Variants in SLC5A10 observed in about 807,000 individuals in gnomAD.
The protein encoded by SLC5A10 is solute carrier family 5 member 10.
A neutral mutation model predicts 68.9 loss-of-function variants in SLC5A10; 55 were observed. That is an observed-to-expected ratio of 0.80 (90% CI 0.64 to 1.00). SLC5A10 has a LOEUF of 1.00. Among genes scored for constraint, SLC5A10 ranks in the 50% least tolerant of loss-of-function variants. The pLI is 0.00. For missense variants in SLC5A10, 732 were observed against 819.3 expected (o/e 0.89, Z 1.30); for synonymous variants, 344 against 344.8 (o/e 1.00, Z 0.02).
rs909463182 is a variant in SLC5A10, at chr17:18,959,318, C to T, written c.288+79C>T. 6.2e-6 allele frequency: 9 copies of T among 1,447,192 alleles called. No individual in the cohort carries two copies. The African/African-American group carries it at 7.0e-5, about 11-fold the overall frequency. The allele number at this position is 1,447,192 out of a possible 1,614,324, so 89.6% of individuals were successfully genotyped here. ...CGCAGCACTGGAGGGGGACAGCTCC[C>T]AGTGGCTGGTGTCAGCCGATGTCCA... is the stretch of plus-strand genomic sequence containing the variant. On this transcript the variant is annotated intron_variant, in intron 3 of 14. Transcript: ENST00000395645.
intron 8 of SLC5A10, among the ~76,000 whole-genome samples, chr17:18,972,374 T>C (rs917042016): frequency 3.9e-5 from 6 of 152,160 alleles, no homozygotes; most frequent in African/African-American, 1.2e-4. Flanking sequence ...CACACAAGCC[T>C]TTCCCACGTG....
At chr17:18,997,561 G>C (rs2043598865) in intron 9 of SLC5A10, among the ~76,000 whole-genome samples, 1 of 152,260 alleles carries the variant, frequency 6.6e-6, no homozygotes, top group South Asian at 2.1e-4. Flanking sequence ...CAGGGTCCAA[G>C]AGCGACAGAC....
intron 11 of SLC5A10, among the ~76,000 whole-genome samples, chr17:19,015,713 C>T (rs538662772): frequency 1.3e-5 from 2 of 152,222 alleles, no homozygotes; most frequent in African/African-American, 2.4e-5. Context: ...TCCCCTCCTC[C>T]GTGCAGTCCT....
At chr17:19,011,664 TG>T in intron 9 of SLC5A10, among the ~76,000 whole-genome samples, 1 of 150,860 alleles carries the variant, frequency 6.6e-6, no homozygotes, top group South Asian at 2.1e-4. Flanking sequence ...GCTATGAGCC[TG>T]GGGGGCTAAT....
In SLC5A10 at chr17:18,978,318, G is replaced by A. The variant is rs764281467; in HGVS notation, c.982+1329G>A. The A allele has an allele frequency of 2.4e-5, 39 of 1,608,412 alleles. No homozygotes were observed. Among genetic ancestry groups the A allele is most frequent in the Non-Finnish European group, 3.1e-5 (37 of 1,177,750 alleles). On this transcript the variant is annotated intron_variant, in intron 9 of 14. Transcript: ENST00000395645. ...TGGGCGCTGGCCTGGGAGGTGTCAC[G>A]GATCTTGATGCGGTTCATCTGGCTG...
Position 19,022,044 on chromosome 17 carries a change from C to T in SLC5A10, c.*1613C>T, listed in dbSNP as rs755441479. The T allele has an allele frequency of 1.9e-5, 31 of 1,596,586 alleles. No individual in the cohort carries two copies. The highest frequency in any genetic ancestry group is 4.0e-5 in the African/African-American group (3 of 74,418). ...GCCCCGCCACCAGTGGGGGTCTGGGCGCTCCAGGACCTCAATGATGTCGCC... is the reference window on the plus strand; with the variant it reads ...GCCCCGCCACCAGTGGGGGTCTGGGTGCTCCAGGACCTCAATGATGTCGCC... On this transcript the variant is annotated 3_prime_UTR_variant, in exon 15 of 15. Coordinates refer to ENST00000395645, the MANE Select transcript of SLC5A10 (RefSeq NM_001042450.4).
chr17:18,973,760 C>G (rs1210638173), intron 8 of SLC5A10, among the ~76,000 whole-genome samples: 1 of 151,742 alleles, frequency 6.6e-6, no homozygotes, highest in Non-Finnish European at 1.5e-5. Context: ...TGCAGTGGCA[C>G]CATCTCGGCT....
chr17:18,985,391 C>T (rs2043244975), intron 9 of SLC5A10, among the ~76,000 whole-genome samples: 1 of 152,202 alleles, frequency 6.6e-6, no homozygotes, highest in Non-Finnish European at 1.5e-5. Flanking sequence ...CAAACTGGCA[C>T]CTGACACCCC....
At chr17:19,010,755 C>T (rs1244756675) in intron 9 of SLC5A10, among the ~76,000 whole-genome samples, 1 of 152,210 alleles carries the variant, frequency 6.6e-6, no homozygotes, top group Non-Finnish European at 1.5e-5. Flanking sequence ...AGCAGTGGCT[C>T]ATCACCTGTC....
At chr17:19,007,374 AT>A (rs915955456) in intron 9 of SLC5A10, among the ~76,000 whole-genome samples, 51 of 152,006 alleles carry the variant, frequency 3.4e-4, no homozygotes, top group African/African-American at 1.2e-3. Flanking sequence ...TGGATTGTCT[AT>A]TTTTTAACTC....
At chr17:18,953,880 C>T (rs1163040413) in intron 1 of SLC5A10, 1 of 152,380 alleles carries the variant, frequency 6.6e-6, no homozygotes, top group African/African-American at 2.4e-5. Flanking sequence ...GTCCGAAATC[C>T]AAAACTTTTC....
At position 19,018,506 on chromosome 17, in the gene SLC5A10, GC is replaced by G. The variant is rs1278653051; in HGVS notation, c.1242-916del. On this transcript the variant is annotated intron_variant, in intron 11 of 14. Transcript: ENST00000395645. The surrounding 1 kb of genome is among the most constrained non-coding windows in gnomAD (Gnocchi z 4.2). ...TTGCTGGACTCTGAGTGCTGGGCAG[GC>G]ACCAGGTCCCACTCATCGCCGAGTT... 1 of 152,298 alleles carries G rather than the reference GC, an allele frequency of 6.6e-6. No individual in the cohort carries two copies. Among genetic ancestry groups the G allele is most frequent in the Non-Finnish European group, 1.5e-5 (1 of 68,104 alleles). The allele number at this position is 152,298 out of a possible 1,614,324, so 9.4% of individuals were successfully genotyped here.
chr17:19,004,161 A>T lies in SLC5A10; in HGVS notation c.983-9249A>T. 4.7e-6 allele frequency: 4 copies of T among 857,984 alleles called. No individual in the cohort carries two copies. Among genetic ancestry groups the T allele is most frequent in the South Asian group, 1.7e-5 (1 of 57,296 alleles). 53.1% of individuals were successfully genotyped at this position (857,984 alleles called of 1,614,324 possible). A position where few individuals can be genotyped will look rare whatever the true frequency, so the allele number is the denominator to read the frequency against. On this transcript the variant is annotated intron_variant, in intron 9 of 14. Coordinates refer to ENST00000395645, the MANE Select transcript of SLC5A10 (RefSeq NM_001042450.4). The surrounding 1 kb of genome is among the most constrained non-coding windows in gnomAD (Gnocchi z 5.4). ...CTCCGCGGCCTCTGCTTCTCTGCCC[A>T]TGAGCAATCTGCGGGAAAGACCTGA...
chr17:19,005,190 A>G (rs573324736), intron 9 of SLC5A10, among the ~76,000 whole-genome samples: 1 of 152,310 alleles, frequency 6.6e-6, no homozygotes, highest in African/African-American at 2.4e-5. Flanking sequence ...AGGCAGGGAT[A>G]GGGCACTGAC....
At chr17:18,982,930 T>C (rs532170073) in intron 9 of SLC5A10, among the ~76,000 whole-genome samples, 7 of 152,238 alleles carry the variant, frequency 4.6e-5, no homozygotes, top group Non-Finnish European at 8.8e-5. Flanking sequence ...GCTGCAAGGC[T>C]GCTGTGAGGA....
rs756251010 is a variant in SLC5A10, at chr17:18,952,305, G to A, written c.100G>A (p.Val34Met). 55 of 1,612,372 alleles carry A rather than the reference G, an allele frequency of 3.4e-5. No individual in the cohort carries two copies. In the Middle Eastern group the frequency reaches 6.6e-4, roughly 19 times the overall value. Residue 34 changes from valine to methionine, a missense_variant, in exon 1 of 15, where the codon GTG becomes ATG. By Grantham distance (21) the Val-to-Met change is conservative. Transcript: ENST00000395645. The part of the protein sequence containing the change: ...ITVYFALNVA[V>M]GIWSSCRASR... ...TGTGTATTTTGCTCTGAATGTGGCC[G>A]TGGGCATATGGGTAAGGGGACCTGT...
At position 18,971,652 on chromosome 17, in the gene SLC5A10, C is replaced by T. The variant is rs138715863; in HGVS notation, c.846+434C>T. The T allele has an allele frequency of 0.011, 17,520 of 1,613,346 alleles. 130 individuals carry two copies. The highest frequency in any genetic ancestry group is 0.013 in the Non-Finnish European group (15,454 of 1,179,920). ...CCAGCGTTTCTGGTAGAGCTCTGGA[C>T]GCTGTCAGCAGCAGAGCGGTACCTA... is the stretch of plus-strand genomic sequence containing the variant. On this transcript the variant is annotated intron_variant, in intron 8 of 14. Coordinates refer to ENST00000395645, the MANE Select transcript of SLC5A10 (RefSeq NM_001042450.4). This position sits in a 1 kb window ranked among gnomAD's most constrained non-coding sequence, Gnocchi z 5.5.
rs1388594559 is a variant in SLC5A10 at position 18,984,753 on chromosome 17, C to G, written c.982+7764C>G. 1.1e-4 allele frequency among the ~76,000 whole-genome samples: 17 copies of G among 152,254 alleles called. 1 individual carries two copies. Among genetic ancestry groups the G allele is most frequent in the Admixed American group, 1.1e-3 (17 of 15,290 alleles). On this transcript the variant is annotated intron_variant, in intron 9 of 14. Coordinates refer to ENST00000395645, the MANE Select transcript of SLC5A10 (RefSeq NM_001042450.4). The stretch of plus-strand genomic sequence containing the variant: ...ATCCCTCCACACCCAGTATCACCCC[C>G]AAAAGCAGCCAAGTCATGCGGCCTG...
At chr17:18,951,012 C>G (rs1202847038), upstream of SLC5A10, among the ~76,000 whole-genome samples, 1 of 152,246 alleles carries the variant, frequency 6.6e-6, no homozygotes, top group Non-Finnish European at 1.5e-5. Flanking sequence ...AGCCACTGCT[C>G]CTGGCCGAGG....
Sources: allele counts gnomAD v4.1 joint callset (sites outside exome capture counted in the v4.1 genomes callset), GRCh38; gene constraint gnomAD v4.1.1; non-coding constraint Gnocchi (gnomAD v3.1); transcripts MANE v1.5; gene names NCBI Gene and HGNC (gene_info 2026-07-23, HGNC 2026-07-21).